Variants in UBR3 observed in about 807,000 individuals in gnomAD.
UBR3 encodes ubiquitin protein ligase E3 component n-recognin 3.
UBR3 carries 85 observed loss-of-function variants against 243.2 expected under a neutral mutation model. The ratio of observed to expected loss-of-function variants is 0.35; its 90% CI spans 0.29 to 0.42. The LOEUF is 0.42. UBR3 is among the 10% of genes least tolerant of loss of function. The probability of loss-of-function intolerance (pLI) is 1.00; values close to 1 mark genes in which losing one functional copy is unlikely to be tolerated. For synonymous variants in UBR3, 748 were observed against 799.8 expected (o/e 0.94, Z 1.09); for missense variants, 1,686 against 2,300.8 (o/e 0.73, Z 5.47).
chr2:169,994,193 G>A (rs2089398566), intron 25 of UBR3, 130 bp from the exon 26 acceptor site: 1 of 1,031,494 alleles, frequency 9.7e-7, no homozygotes, highest in African/African-American at 1.6e-5. Flanking sequence ...ACTTTTTTGA[G>A]GGGTCTTTAA....
chr2:169,874,901 C>A (rs1241112757), intron 2 of UBR3, among the ~76,000 whole-genome samples: 1 of 151,972 alleles, frequency 6.6e-6, no homozygotes, highest in African/African-American at 2.4e-5. Context: ...TTAAGCTATA[C>A]ATCTCTTTAT....
chr2:170,027,584 T>C (rs970416123), intron 30 of UBR3, among the ~76,000 whole-genome samples: 5 of 151,808 alleles, frequency 3.3e-5, no homozygotes, highest in African/African-American at 1.2e-4. Context: ...ATGATCCACC[T>C]TCATCTTGGT....
chr2:170,068,593 G>GAAAT (rs995358590), intron 35 of UBR3, among the ~76,000 whole-genome samples: 3 of 152,116 alleles, frequency 2.0e-5, no homozygotes, highest in Non-Finnish European at 4.4e-5. Context: ...TAAAAGAAAA[G>GAAAT]AAATAATAAA....
chr2:169,947,492 C>G (rs752616120), intron 21 of UBR3, 50 bp from the exon 22 acceptor site: 6 of 1,347,074 alleles, frequency 4.5e-6, no homozygotes, highest in Non-Finnish European at 5.8e-6. Flanking sequence ...TCCATTGTAC[C>G]TTGGACGTGA....
intron 29 of UBR3, chr2:170,014,711 G>A (rs1574399153): frequency 6.6e-6 from 1 of 152,504 alleles, no homozygotes; most frequent in East Asian, 1.9e-4. Context: ...GTATTTTAAT[G>A]AAACTAGTTT....
chr2:169,926,381 A>C (rs188015298), intron 14 of UBR3, among the ~76,000 whole-genome samples: 2 of 152,306 alleles, frequency 1.3e-5, no homozygotes, highest in Non-Finnish European at 2.9e-5. Context: ...TGAGGCCAGG[A>C]GTTTGAGACC....
intron 1 of UBR3, among the ~76,000 whole-genome samples, chr2:169,843,492 G>A (rs1259659008): frequency 1.3e-5 from 2 of 152,134 alleles, no homozygotes; most frequent in East Asian, 1.9e-4. Flanking sequence ...TTCCCCAAAG[G>A]CCCTGCCTCT....
intron 1 of UBR3, among the ~76,000 whole-genome samples, chr2:169,851,524 G>T (rs527891221): frequency 6.6e-6 from 1 of 152,070 alleles, no homozygotes; most frequent in Admixed American, 6.6e-5. Context: ...AGATATTATT[G>T]TCCTCGTTTT....
intron 24 of UBR3, among the ~76,000 whole-genome samples, chr2:169,980,639 T>A (rs1467031128): frequency 6.6e-6 from 1 of 151,996 alleles, no homozygotes; most frequent in Admixed American, 6.6e-5. Flanking sequence ...AATTATACTT[T>A]AAGTTTTAGG....
At chr2:169,881,924 TGTATAC>T (rs1468144626) in intron 5 of UBR3, among the ~76,000 whole-genome samples, 3 of 93,094 alleles carry the variant, frequency 3.2e-5, no homozygotes, top group Non-Finnish European at 4.9e-5. Context: ...TATGTATACA[TGTATAC>T]ATATAATATA....
At chr2:169,917,709 TA>T (rs1178634904) in intron 11 of UBR3, among the ~76,000 whole-genome samples, 5 of 152,216 alleles carry the variant, frequency 3.3e-5, no homozygotes, top group African/African-American at 1.2e-4. Flanking sequence ...ATTTATTTAT[TA>T]TTTTTTTCGA....
At chr2:169,870,899 C>G (rs1298947369) in intron 1 of UBR3, among the ~76,000 whole-genome samples, 1 of 151,604 alleles carries the variant, frequency 6.6e-6, no homozygotes, top group Non-Finnish European at 1.5e-5. Flanking sequence ...GGTGATGCAC[C>G]GGCCTTGGCC....
At chr2:169,854,281 A>G (rs1004075555) in intron 1 of UBR3, among the ~76,000 whole-genome samples, 1 of 152,254 alleles carries the variant, frequency 6.6e-6, no homozygotes, top group Non-Finnish European at 1.5e-5. Context: ...TTTAATGACA[A>G]TAGGAAGAAA....
intron 1 of UBR3, among the ~76,000 whole-genome samples, chr2:169,841,364 G>A (rs994751489): frequency 2.4e-4 from 37 of 151,620 alleles, no homozygotes; most frequent in Middle Eastern, 3.2e-3. Flanking sequence ...AGGTGACAGC[G>A]TGCTGGCAGT....
At chr2:169,895,362 T>A (rs1228936209) in intron 7 of UBR3, 51 bp downstream of exon 7, 1 of 1,495,496 alleles carries the variant, frequency 6.7e-7, no homozygotes, top group Non-Finnish European at 8.9e-7. Context: ...TTTCTTTGCC[T>A]TTCATTATTA....
chr2:169,971,438 C>G (rs1329571260), intron 24 of UBR3, among the ~76,000 whole-genome samples: 1 of 149,736 alleles, frequency 6.7e-6, no homozygotes, highest in African/African-American at 2.5e-5. Context: ...AGGTTTTCTT[C>G]TAGGGTTTTT....
At chr2:170,039,972 G>C (rs888013203) in intron 31 of UBR3, among the ~76,000 whole-genome samples, 3 of 152,030 alleles carry the variant, frequency 2.0e-5, no homozygotes, top group Non-Finnish European at 4.4e-5. Context: ...GATTTCAAGT[G>C]ATCCTCCCAC....
chr2:170,043,411 C>G (rs2091014015), intron 32 of UBR3, among the ~76,000 whole-genome samples: 1 of 152,108 alleles, frequency 6.6e-6, no homozygotes, highest in Admixed American at 6.5e-5. Context: ...ATTAACCAAA[C>G]TTACTGAATT....
At chr2:170,026,624 C>T (rs1209794397) in intron 30 of UBR3, among the ~76,000 whole-genome samples, 7 of 152,028 alleles carry the variant, frequency 4.6e-5, no homozygotes, top group Non-Finnish European at 8.8e-5. Flanking sequence ...AATCACAGCA[C>T]GCTTATAAAT....
Sources: gnomAD v4.1 joint callset for allele counts (sites outside exome capture counted in the v4.1 genomes callset) on GRCh38, gnomAD v4.1.1 for gene constraint, MANE v1.5 for transcripts, NCBI Gene and HGNC (gene_info 2026-07-23, HGNC 2026-07-21) for gene names.